EEF1AKMT3: variants seen among roughly 807,000 people sequenced by gnomAD.
EEF1AKMT3 encodes the protein EEF1A lysine methyltransferase 3, also known as eEF1A-KMT3.
EEF1AKMT3 carries 17 observed loss-of-function variants against 17.8 expected under a neutral mutation model. The observed-to-expected ratio is 0.96, with a 90% CI of 0.65 to 1.43. EEF1AKMT3 has a LOEUF of 1.43. Ranked by LOEUF, EEF1AKMT3 falls within the 40% of genes most tolerant of loss-of-function variation. The probability of loss-of-function intolerance (pLI) is 0.00; values close to 1 mark genes in which losing one functional copy is unlikely to be tolerated. For synonymous variants in EEF1AKMT3, 116 were observed against 126.5 expected (o/e 0.92, Z 0.56); for missense variants, 244 against 285.8 (o/e 0.85, Z 1.06).
Position 57,775,425 on chromosome 12 carries a change from A to G in EEF1AKMT3, c.289+2297A>G, listed in dbSNP as rs1179857607. ...GAGACAGAGTCTCACTCTGTCACCC[A>G]AGCTGCAATGCAGTGGCATGATCTC... On this transcript the variant is annotated intron_variant, in intron 2 of 2. Coordinates refer to ENST00000300209, the MANE Select transcript of EEF1AKMT3 (RefSeq NM_015433.3). 7.4e-5 allele frequency among the ~76,000 whole-genome samples: 11 copies of G among 148,230 alleles called. 1 individual carries two copies. In the Admixed American group the frequency reaches 7.5e-4, roughly 10 times the overall value.
rs762983844 is a variant in EEF1AKMT3, at chr12:57,780,420, T to C, written c.455T>C (p.Ile152Thr). The change falls in exon 3 of 3, where the codon ATC (isoleucine) becomes ACC (threonine). Residue 152 changes from isoleucine (I) to threonine (T), a missense_variant. Ile to Thr is a moderately conservative substitution (Grantham distance 89). Coordinates refer to ENST00000300209, the MANE Select transcript of EEF1AKMT3 (RefSeq NM_015433.3). ...ANYDLVLGADIVYLEPTFPLL... is the reference protein window; with the variant it reads ...ANYDLVLGADTVYLEPTFPLL... The stretch of plus-strand genomic sequence containing the variant: ...TATGACCTGGTGCTGGGGGCTGATA[T>C]CGTGTACCTGGAACCCACCTTCCCT... 8.1e-6 allele frequency: 13 copies of C among 1,614,000 alleles called. No individual in the cohort carries two copies. The highest frequency in any genetic ancestry group is 1.3e-5 in the African/African-American group (1 of 74,902).
At chr12:57,774,744 A>G (rs1026139687) in intron 2 of EEF1AKMT3, 1 of 1,611,420 alleles carries the variant, frequency 6.2e-7, no homozygotes, top group Non-Finnish European at 8.5e-7. Flanking sequence ...CTCCCTGGGA[A>G]TCCATCAAGG....
rs899656609 is a variant in EEF1AKMT3, at chr12:57,781,170, C to T, written c.*524C>T. ...ACCTCTGAAGGCCCAGATGATCTTCCTGCCTCAGCTCCCCAAGTAGCTGGG... is the reference window on the plus strand; with the variant it reads ...ACCTCTGAAGGCCCAGATGATCTTCTTGCCTCAGCTCCCCAAGTAGCTGGG... On this transcript the variant is annotated 3_prime_UTR_variant, in exon 3 of 3. Transcript: ENST00000300209. The T allele has an allele frequency of 6.8e-6, 1 of 146,712 alleles. No individual in the cohort carries two copies. The highest frequency in any genetic ancestry group is 1.4e-5 in the Non-Finnish European group (1 of 70,212). The allele number at this position is 146,712 out of a possible 1,614,324, so 9.1% of individuals were successfully genotyped here.
At position 57,780,515 on chromosome 12, in the gene EEF1AKMT3, A is replaced by G. The variant is rs763067425; in HGVS notation, c.550A>G (p.Lys184Glu). 3.1e-6 allele frequency: 5 copies of G among 1,614,190 alleles called. No individual in the cohort carries two copies. The South Asian group carries it at 4.4e-5, about 14-fold the overall frequency. The change falls in exon 3 of 3, where the codon AAG becomes GAG. Residue 184 changes from lysine (K) to glutamate (E), a missense_variant. By Grantham distance (56) the Lys-to-Glu change is moderately conservative. Transcript: ENST00000300209. ...GTIYLASKMR[K>E]EHGTESFFQH... The stretch of plus-strand genomic sequence containing the variant: ...CATCTATCTGGCCTCCAAGATGAGA[A>G]AGGAGCATGGGACAGAGAGCTTCTT...
intron 2 of EEF1AKMT3, among the ~76,000 whole-genome samples, chr12:57,777,454 T>G (rs1955487211): frequency 6.6e-6 from 1 of 152,200 alleles, no homozygotes; most frequent in Non-Finnish European, 1.5e-5. Flanking sequence ...TCCAGGTTGT[T>G]AAACGCAGGA....
chr12:57,773,216 G>C, intron 2 of EEF1AKMT3, 88 bp downstream of exon 2: 1 of 1,289,032 alleles, frequency 7.8e-7, no homozygotes, highest in Middle Eastern at 1.9e-4. Flanking sequence ...GGAGAGGGGA[G>C]AACTTTGGGC....
chr12:57,780,774 C>T lies in EEF1AKMT3; in HGVS notation c.*128C>T, dbSNP rs1955508656. ...GATTTCCCTGGCCTCTCTCACTTTC[C>T]TCCTTCCCTCTTTGTTACCCCAGAT... On this transcript the variant is annotated 3_prime_UTR_variant, in exon 3 of 3. Coordinates refer to ENST00000300209, the MANE Select transcript of EEF1AKMT3 (RefSeq NM_015433.3). 1.6e-6 allele frequency: 2 copies of T among 1,258,650 alleles called. No homozygotes were observed. Among genetic ancestry groups the T allele is most frequent in the Non-Finnish European group, 2.2e-6 (2 of 923,008 alleles). The allele number at this position is 1,258,650 out of a possible 1,614,324, so 78.0% of individuals were successfully genotyped here.
chr12:57,780,756 C>A lies in EEF1AKMT3; in HGVS notation c.*110C>A. On this transcript the variant is annotated 3_prime_UTR_variant, in exon 3 of 3. Coordinates refer to ENST00000300209, the MANE Select transcript of EEF1AKMT3 (RefSeq NM_015433.3). Reference sequence around the variant, plus strand: ...TGAGGACCAAAAAGGATGGATTTCCCTGGCCTCTCTCACTTTCCTCCTTCC... The same window carrying A: ...TGAGGACCAAAAAGGATGGATTTCCATGGCCTCTCTCACTTTCCTCCTTCC... 7.1e-7 allele frequency: 1 copy of A among 1,415,120 alleles called. No homozygotes were observed. Among genetic ancestry groups the A allele is most frequent in the Middle Eastern group, 2.1e-4 (1 of 4,764 alleles). 87.7% of individuals were successfully genotyped at this position (1,415,120 alleles called of 1,614,324 possible).
chr12:57,775,221 G>A (rs1056820960), intron 2 of EEF1AKMT3, among the ~76,000 whole-genome samples: 13 of 152,024 alleles, frequency 8.6e-5, no homozygotes, highest in Admixed American at 6.6e-4. Context: ...AAGGCATGCG[G>A]TATGGATGGG....
rs1955514618 is a variant in EEF1AKMT3, at chr12:57,781,433, A to T, written c.*787A>T. The T allele has an allele frequency of 6.6e-6, 1 of 151,622 alleles. No individual in the cohort carries two copies. The allele number at this position is 151,622 out of a possible 1,614,324, so 9.4% of individuals were successfully genotyped here. A position where few individuals can be genotyped will look rare whatever the true frequency, so the allele number is the denominator to read the frequency against. Reference sequence around the variant, plus strand: ...TGCAAGAACCCAACTTTTACTCAGGAGCTGAGAAGGAAGAAGCCTCAAACC... The same window carrying T: ...TGCAAGAACCCAACTTTTACTCAGGTGCTGAGAAGGAAGAAGCCTCAAACC... On this transcript the variant is annotated 3_prime_UTR_variant, in exon 3 of 3. Transcript: ENST00000300209.
rs185077519 is a variant in EEF1AKMT3, at chr12:57,778,492, G to A, written c.290-1763G>A. Among the ~76,000 whole-genome samples, 592 of 151,682 alleles carry A rather than the reference G, an allele frequency of 3.9e-3. 17 individuals are homozygous for A. In the South Asian group the frequency reaches 0.068, roughly 17 times the overall value. On this transcript the variant is annotated intron_variant, in intron 2 of 2. Transcript: ENST00000300209. ...TTTTTGTATTTTTTATAGAGACGAG[G>A]TTTTGCTATGTTGCCCAGACTGGTC... is the stretch of plus-strand genomic sequence containing the variant.
chr12:57,773,092 G>C lies in EEF1AKMT3; in HGVS notation c.253G>C (p.Gly85Arg), dbSNP rs1163395416. The C allele has an allele frequency of 1.2e-6, 2 of 1,614,168 alleles. No individual in the cohort carries two copies. The highest frequency in any genetic ancestry group is 2.7e-5 in the African/African-American group (2 of 75,014). The change falls in exon 2 of 3, where the codon GGG becomes CGG. Residue 85 changes from glycine (G) to arginine (R), a missense_variant. Gly to Arg is a moderately radical substitution (Grantham distance 125, BLOSUM62 -2). Transcript: ENST00000300209. Reference protein sequence around the residue: ...RGKKVIELGAGTGIVGILAAL... With the variant: ...RGKKVIELGARTGIVGILAAL... ...CAAGAAGGTGATCGAACTGGGTGCG[G>C]GGACAGGCATCGTGGGGATCTTGGC... is the stretch of plus-strand genomic sequence containing the variant.
chr12:57,782,519 A>G lies in EEF1AKMT3; in HGVS notation c.*1873A>G, dbSNP rs1955523551. 2.2e-6 allele frequency: 1 copy of G among 456,110 alleles called. No individual in the cohort carries two copies. Among genetic ancestry groups the G allele is most frequent in the South Asian group, 3.9e-5 (1 of 25,748 alleles). 28.3% of individuals were successfully genotyped at this position (456,110 alleles called of 1,614,324 possible). A position where few individuals can be genotyped will look rare whatever the true frequency, so the allele number is the denominator to read the frequency against. The stretch of plus-strand genomic sequence containing the variant: ...TAATGAATATAAATGCGCATTGAAA[A>G]TAAACATAAAATGTTACCCACATTT... On this transcript the variant is annotated 3_prime_UTR_variant, in exon 3 of 3. Coordinates refer to ENST00000300209, the MANE Select transcript of EEF1AKMT3 (RefSeq NM_015433.3).
rs375315307 is a variant in EEF1AKMT3, at chr12:57,780,495, A to G, written c.530A>G (p.Tyr177Cys). The G allele has an allele frequency of 2.2e-5, 36 of 1,614,070 alleles. No homozygotes were observed. The highest frequency in any genetic ancestry group is 1.6e-4 in the Middle Eastern group (1 of 6,084). The change falls in exon 3 of 3, where the codon TAT becomes TGT. Residue 177 changes from tyrosine to cysteine, a missense_variant. By Grantham distance (194) the Tyr-to-Cys change is radical. Transcript: ENST00000300209. Reference protein sequence around the residue: ...QHLCRPHGTIYLASKMRKEHG... With the variant: ...QHLCRPHGTICLASKMRKEHG... Reference sequence around the variant, plus strand: ...CTGTGCAGGCCCCATGGCACCATCTATCTGGCCTCCAAGATGAGAAAGGAG... The same window carrying G: ...CTGTGCAGGCCCCATGGCACCATCTGTCTGGCCTCCAAGATGAGAAAGGAG...
At position 57,780,276 on chromosome 12, in the gene EEF1AKMT3, A is replaced by AT. The variant is rs771447970; in HGVS notation, c.311_312insT (p.Leu105ProfsTer32). ...TCAGGGGGGGATGTTACCATCACTG[A>AT]CCTGCCCCTGGCCCTAGAACAGATC... is the stretch of plus-strand genomic sequence containing the variant. On this transcript the variant is annotated frameshift_variant, in exon 3 of 3. Coordinates refer to ENST00000300209, the MANE Select transcript of EEF1AKMT3 (RefSeq NM_015433.3). LOFTEE classifies it high-confidence loss of function. 33 of 1,613,498 alleles carry AT rather than the reference A, an allele frequency of 2.0e-5. No homozygotes were observed. In the African/African-American group the frequency reaches 3.7e-4, roughly 18 times the overall value.
Position 57,772,684 on chromosome 12 carries a change from A to T in EEF1AKMT3, c.-41A>T, listed in dbSNP as rs1955449136. ...TACCCCGCTCCGGATCCGGGATCTG[A>T]GCGCCGGCCGCGGTGCCCAGGCACT... is the stretch of plus-strand genomic sequence containing the variant. On this transcript the variant is annotated 5_prime_UTR_variant, in exon 1 of 3. Transcript: ENST00000300209. This position sits in a 1 kb window ranked among gnomAD's most constrained non-coding sequence, Gnocchi z 4.1. The T allele has an allele frequency of 6.3e-7, 1 of 1,577,098 alleles. No homozygotes were observed. The highest frequency in any genetic ancestry group is 8.6e-7 in the Non-Finnish European group (1 of 1,161,778).
intron 2 of EEF1AKMT3, among the ~76,000 whole-genome samples, chr12:57,779,397 A>C (rs1287095663): frequency 6.6e-6 from 1 of 152,116 alleles, no homozygotes; most frequent in Non-Finnish European, 1.5e-5. Context: ...TTATCTTCTT[A>C]GTTCATCATT....
At chr12:57,775,105 C>CAAAAAAAA (rs1019116260) in intron 2 of EEF1AKMT3, among the ~76,000 whole-genome samples, 5 of 33,606 alleles carry the variant, frequency 1.5e-4, no homozygotes, top group Non-Finnish European at 2.4e-4. Context: ...AACGCCATCT[C>CAAAAAAAA]AAAAAAAAAA....
At position 57,773,032 on chromosome 12, in the gene EEF1AKMT3, A is replaced by G. The variant is rs1211681658; in HGVS notation, c.193A>G (p.Asn65Asp). The change falls in exon 2 of 3, where the codon AAT (asparagine) becomes GAT (aspartate). Residue 65 changes from asparagine (N) to aspartate (D), a missense_variant. Coordinates refer to ENST00000300209, the MANE Select transcript of EEF1AKMT3 (RefSeq NM_015433.3). ...TCTCCCGTAGGCCCTGAGCCTGTGC[A>G]ATTATTTCGAGAGTCAAAATGTGGA... is the stretch of plus-strand genomic sequence containing the variant. ...RVWDAALSLC[N>D]YFESQNVDFR... 2.5e-6 allele frequency: 4 copies of G among 1,614,126 alleles called. No homozygotes were observed. Among genetic ancestry groups the G allele is most frequent in the East Asian group, 2.2e-5 (1 of 44,866 alleles).
Sources: allele counts gnomAD v4.1 joint callset (sites outside exome capture counted in the v4.1 genomes callset), GRCh38; gene constraint gnomAD v4.1.1; non-coding constraint Gnocchi (gnomAD v3.1); transcripts MANE v1.5; gene names NCBI Gene and HGNC (gene_info 2026-07-23, HGNC 2026-07-21).